Variants in TJP1 observed in about 807,000 individuals in gnomAD.
TJP1 encodes the protein tight junction protein ZO-1.
Under a neutral mutation model 194.2 loss-of-function variants are expected in TJP1, and 43 were observed. The observed-to-expected ratio is 0.22, with a 90% CI of 0.17 to 0.29. TJP1 has a LOEUF of 0.29. Ranked by LOEUF, TJP1 falls within the 10% of genes least tolerant of loss-of-function variation. The pLI, the probability that TJP1 is intolerant of heterozygous loss-of-function variation, is 1.00. For synonymous variants in TJP1, 801 were observed against 779.0 expected (o/e 1.03, Z -0.47); for missense variants, 1,971 against 2,185.7 (o/e 0.90, Z 1.96).
chr15:29,822,050 G>A lies in TJP1; in HGVS notation c.-22C>T. 2 of 1,307,808 alleles carry A rather than the reference G, an allele frequency of 1.5e-6. No homozygotes were observed. The highest frequency in any genetic ancestry group is 9.7e-7 in the Non-Finnish European group (1 of 1,027,432). 81.0% of individuals were successfully genotyped at this position (1,307,808 alleles called of 1,614,324 possible). A position where few individuals can be genotyped will look rare whatever the true frequency, so the allele number is the denominator to read the frequency against. Reference sequence around the variant, plus strand: ...ACATCTTGTCTCTCTCCAGCGCCGCGCGAGGCTCCTCGGACCCGAAACTCC... The same window carrying A: ...ACATCTTGTCTCTCTCCAGCGCCGCACGAGGCTCCTCGGACCCGAAACTCC... On this transcript the variant is annotated 5_prime_UTR_variant, in exon 1 of 28. Coordinates refer to ENST00000614355, the MANE Select transcript of TJP1 (RefSeq NM_001330239.4).
At chr15:29,938,042 A>G (rs1425219831) in intron 2 of TJP1, among the ~76,000 whole-genome samples, 1 of 152,258 alleles carries the variant, frequency 6.6e-6, no homozygotes, top group African/African-American at 2.4e-5. Flanking sequence ...CTGTGAATAC[A>G]GGACCTGTAA....
chr15:29,930,325 TAAATA>T (rs777144473), intron 2 of TJP1, among the ~76,000 whole-genome samples: 44 of 152,288 alleles, frequency 2.9e-4, no homozygotes, highest in Non-Finnish European at 5.1e-4. Flanking sequence ...TTTAAAAACC[TAAATA>T]AAATGTTAGA....
intron 2 of TJP1, among the ~76,000 whole-genome samples, chr15:29,947,428 C>G (rs547013391): frequency 1.3e-5 from 2 of 152,282 alleles, no homozygotes; most frequent in Non-Finnish European, 2.9e-5. Context: ...ATAATTTAAC[C>G]TATTTATGAG....
At chr15:29,928,819 G>A (rs952952934) in intron 2 of TJP1, among the ~76,000 whole-genome samples, 108 of 152,170 alleles carry the variant, frequency 7.1e-4, no homozygotes, top group Non-Finnish European at 1.3e-4. Flanking sequence ...GTGGGCGCCT[G>A]TAGTCCCAGC....
chr15:29,805,529 ATCAT>A (rs745317591), intron 1 of TJP1, among the ~76,000 whole-genome samples: 3 of 152,300 alleles, frequency 2.0e-5, no homozygotes, highest in South Asian at 4.1e-4. Context: ...CAATCCATGT[ATCAT>A]TCATTCATTC....
intron 2 of TJP1, among the ~76,000 whole-genome samples, chr15:29,887,483 T>C (rs796921237): frequency 7.9e-5 from 12 of 151,938 alleles, no homozygotes; most frequent in Admixed American, 2.6e-4. Flanking sequence ...GTATTTTAAA[T>C]AGAAATGAGG....
At chr15:29,941,833 T>C (rs1206322812) in intron 2 of TJP1, among the ~76,000 whole-genome samples, 1 of 152,034 alleles carries the variant, frequency 6.6e-6, no homozygotes, top group Non-Finnish European at 1.5e-5. Flanking sequence ...TGCGTGTATG[T>C]GTTTGCATGT....
chr15:29,718,458 AG>A lies in TJP1; in HGVS notation c.3683del (p.Pro1228LeufsTer32). ...HGAAAVPPLIPSSQHKPEALP... is the reference protein window; with the variant it reads ...HGAAAVPPLIXSSQHKPEALP... Reference sequence around the variant, plus strand: ...GAGCTTCTGGCTTATGCTGAGATGAAGGTATCAGCGGAGGGACAGCTGCAGC... The same window carrying A: ...GAGCTTCTGGCTTATGCTGAGATGAAGTATCAGCGGAGGGACAGCTGCAGC... On this transcript the variant is annotated frameshift_variant, in exon 21 of 28. Coordinates refer to ENST00000614355, the MANE Select transcript of TJP1 (RefSeq NM_001330239.4). LOFTEE classifies it high-confidence loss of function. The A allele has an allele frequency of 6.2e-7, 1 of 1,614,166 alleles. No homozygotes were observed. The highest frequency in any genetic ancestry group is 8.5e-7 in the Non-Finnish European group (1 of 1,180,020).
intron 2 of TJP1, among the ~76,000 whole-genome samples, chr15:29,840,795 A>G (rs568196222): frequency 4.3e-4 from 66 of 152,336 alleles, no homozygotes; most frequent in Non-Finnish European, 1.3e-4. Context: ...AGAAGAAAGA[A>G]TAACTGGAAG....
intron 1 of TJP1, among the ~76,000 whole-genome samples, chr15:29,957,592 T>C (rs2055996332): frequency 6.6e-6 from 1 of 152,230 alleles, no homozygotes; most frequent in Non-Finnish European, 1.5e-5. Context: ...CAGAACTATT[T>C]CACTCTTTTT....
At chr15:29,803,256 G>A (rs2048903076) in intron 1 of TJP1, among the ~76,000 whole-genome samples, 1 of 152,086 alleles carries the variant, frequency 6.6e-6, no homozygotes, top group South Asian at 2.1e-4. Context: ...TTGACATTTC[G>A]AATACAGACA....
intron 2 of TJP1, among the ~76,000 whole-genome samples, chr15:29,938,221 A>T (rs1482762533): frequency 6.6e-6 from 1 of 152,234 alleles, no homozygotes; most frequent in East Asian, 1.9e-4. Flanking sequence ...GACTCACCTA[A>T]ATAAAATGCA....
chr15:29,888,307 G>C (rs2053190164), intron 2 of TJP1, among the ~76,000 whole-genome samples: 1 of 151,790 alleles, frequency 6.6e-6, no homozygotes, highest in South Asian at 2.1e-4. Flanking sequence ...CACATATGTA[G>C]AAATATATTA....
chr15:29,868,203 G>C (rs1046056091), intron 2 of TJP1, among the ~76,000 whole-genome samples: 7 of 152,122 alleles, frequency 4.6e-5, no homozygotes, highest in Non-Finnish European at 1.0e-4. Flanking sequence ...ATGGGTGACA[G>C]AGTGAGACCC....
At chr15:29,712,925 T>C (rs564851846) in intron 23 of TJP1, among the ~76,000 whole-genome samples, 5 of 151,884 alleles carry the variant, frequency 3.3e-5, no homozygotes, top group Non-Finnish European at 4.4e-5. Flanking sequence ...AATGGAGAGA[T>C]AGAAATATGC....
chr15:29,760,252 A>G (rs2045915455), intron 8 of TJP1: 2 of 702,152 alleles, frequency 2.8e-6, no homozygotes, highest in Non-Finnish European at 5.2e-6. Flanking sequence ...GCACATGCAC[A>G]TTTTTCTGGA....
chr15:29,705,489 T>TA, intron 26 of TJP1, 39 bp downstream of exon 26: 1 of 1,602,428 alleles, frequency 6.2e-7, no homozygotes, highest in Non-Finnish European at 8.5e-7. Context: ...GGGCAACTCT[T>TA]AAGTTATCAA....
At chr15:29,749,016 C>T (rs574749681) in intron 8 of TJP1, among the ~76,000 whole-genome samples, 12 of 151,810 alleles carry the variant, frequency 7.9e-5, no homozygotes, top group East Asian at 1.9e-4. Flanking sequence ...ATTATGTGTT[C>T]GGAGTCAGGT....
intron 23 of TJP1, among the ~76,000 whole-genome samples, chr15:29,714,246 CTT>C (rs546399070): frequency 6.8e-6 from 1 of 147,442 alleles, no homozygotes; most frequent in Admixed American, 6.8e-5. Context: ...AAATATACTC[CTT>C]TTTTTTTTTG....
Sources: gnomAD v4.1 joint callset for allele counts (sites outside exome capture counted in the v4.1 genomes callset) on GRCh38, gnomAD v4.1.1 for gene constraint, MANE v1.5 for transcripts, NCBI Gene and HGNC (gene_info 2026-07-23, HGNC 2026-07-21) for gene names.